Variants in RALGAPB observed in about 807,000 individuals in gnomAD.
The protein encoded by RALGAPB is Ral GTPase activating protein non-catalytic subunit beta.
Under a neutral mutation model 161.1 loss-of-function variants are expected in RALGAPB, and 25 were observed. That is an observed-to-expected ratio of 0.16 (90% CI 0.11 to 0.22). RALGAPB has a LOEUF of 0.22. RALGAPB is among the 10% of genes least tolerant of loss of function. The pLI is 1.00. For missense variants in RALGAPB, 1,391 were observed against 1,815.2 expected (o/e 0.77, Z 4.25); for synonymous variants, 629 against 626.1 (o/e 1.00, Z -0.07).
intron 20 of RALGAPB, among the ~76,000 whole-genome samples, chr20:38,549,543 A>ATATATAT (rs1555882874): frequency 2.5e-5 from 3 of 120,706 alleles, no homozygotes; most frequent in African/African-American, 9.3e-5. Context: ...TAAAAAAAAA[A>ATATATAT]AAAAAAATAT....
intron 6 of RALGAPB, among the ~76,000 whole-genome samples, chr20:38,511,858 C>T (rs1037823851): frequency 3.3e-5 from 5 of 152,156 alleles, no homozygotes; most frequent in Admixed American, 2.0e-4. Context: ...ACCTCCTAGA[C>T]GGGGTGGCGG....
rs757408242 is a variant in RALGAPB, at chr20:38,570,015, G to A, written c.4063+19G>A. Reference sequence around the variant, plus strand: ...GATATAGGTACTGTATGAGGACTTTGTCCATAAATAAAATGGCAATATATG... The same window carrying A: ...GATATAGGTACTGTATGAGGACTTTATCCATAAATAAAATGGCAATATATG... On this transcript the variant is annotated intron_variant, in intron 27 of 29. Transcript: ENST00000262879. 3 of 1,582,170 alleles carry A rather than the reference G, an allele frequency of 1.9e-6. No homozygotes were observed. Among genetic ancestry groups the A allele is most frequent in the Non-Finnish European group, 1.7e-6 (2 of 1,151,722 alleles).
chr20:38,552,140 ATT>A (rs11482026), intron 21 of RALGAPB, among the ~76,000 whole-genome samples: 20 of 144,888 alleles, frequency 1.4e-4, no homozygotes, highest in African/African-American at 5.1e-4. Context: ...GAAAAGGCTG[ATT>A]TTTTTTTTTT....
chr20:38,542,814 G>T (rs528689989), intron 18 of RALGAPB, among the ~76,000 whole-genome samples: 12 of 152,096 alleles, frequency 7.9e-5, no homozygotes, highest in Admixed American at 7.2e-4. Flanking sequence ...CACGGAGGTT[G>T]CAGTGAGCCG....
intron 5 of RALGAPB, 131 bp from the exon 6 acceptor site, chr20:38,508,946 G>A: frequency 1.0e-6 from 1 of 996,794 alleles, no homozygotes; most frequent in Admixed American, 2.6e-5. Flanking sequence ...TATAAATGAG[G>A]GTTTCCATAT....
At position 38,535,128 on chromosome 20, in the gene RALGAPB, C is replaced by G. The variant is rs753010646; in HGVS notation, c.2300C>G (p.Thr767Ser). The G allele has an allele frequency of 6.2e-7, 1 of 1,614,008 alleles. No homozygotes were observed. ...CTGATTCGCAGCATTCATCTCGTCA[C>G]CCAAAGACTCAACTCCCAGTGGCGC... ...GLLIRSIHLVTQRLNSQWRQD... is the reference protein window; with the variant it reads ...GLLIRSIHLVSQRLNSQWRQD... Residue 767 changes from threonine to serine, a missense_variant, in exon 16 of 30, where the codon ACC becomes AGC. Thr to Ser is a moderately conservative substitution (Grantham distance 58). This residue lies in a region of RALGAPB where 946 missense variants were observed against 1,257.2 expected (regional missense o/e 0.75). Coordinates refer to ENST00000262879, the MANE Select transcript of RALGAPB (RefSeq NM_020336.4).
At chr20:38,551,940 C>T (rs1432164056) in intron 21 of RALGAPB, among the ~76,000 whole-genome samples, 2 of 152,004 alleles carry the variant, frequency 1.3e-5, no homozygotes, top group African/African-American at 4.8e-5. Context: ...AGAAAAAGTC[C>T]CCTGAATTTT....
chr20:38,535,952 G>T (rs1480023082), intron 16 of RALGAPB, among the ~76,000 whole-genome samples: 1 of 152,154 alleles, frequency 6.6e-6, no homozygotes, highest in East Asian at 1.9e-4. Flanking sequence ...GAACTTGGTG[G>T]TCATTTGTGC....
At chr20:38,574,753 T>G (rs767796808) in intron 29 of RALGAPB, 21 bp from the exon 30 acceptor site, 20 of 1,602,894 alleles carry the variant, frequency 1.2e-5, no homozygotes, top group Non-Finnish European at 1.7e-5. Context: ...AACGTTTATT[T>G]TAAAACTCTC....
At chr20:38,574,706 A>T in intron 29 of RALGAPB, 68 bp from the exon 30 acceptor site, 1 of 1,431,622 alleles carries the variant, frequency 7.0e-7, no homozygotes. Context: ...AGTTCACCTG[A>T]ATACTTACAG....
At chr20:38,506,314 C>T (rs1175426569) in intron 5 of RALGAPB, among the ~76,000 whole-genome samples, 1 of 150,230 alleles carries the variant, frequency 6.7e-6, no homozygotes, top group African/African-American at 2.5e-5. Context: ...TTTTTTTTGA[C>T]AGGGTTTCTT....
intron 1 of RALGAPB, among the ~76,000 whole-genome samples, chr20:38,478,544 C>T (rs1208454866): frequency 6.6e-6 from 1 of 152,152 alleles, no homozygotes; most frequent in Non-Finnish European, 1.5e-5. Context: ...CCTCTGCCTC[C>T]TGAGTAGCTG....
In RALGAPB at chr20:38,565,749, A is replaced by G. The variant is rs191706253; in HGVS notation, c.3817+271A>G. On this transcript the variant is annotated intron_variant, in intron 25 of 29. Coordinates refer to ENST00000262879, the MANE Select transcript of RALGAPB (RefSeq NM_020336.4). ...TTGCTTTCTTTAATCTAATTAATCAATACATAGGCTTATTTTCCAGTTCAT... is the reference window on the plus strand; with the variant it reads ...TTGCTTTCTTTAATCTAATTAATCAGTACATAGGCTTATTTTCCAGTTCAT... Among the ~76,000 whole-genome samples, 7 of 152,338 alleles carry G rather than the reference A, an allele frequency of 4.6e-5. No homozygotes were observed. In the East Asian group the frequency reaches 1.3e-3, roughly 29 times the overall value.
chr20:38,565,098 T>C (rs2087945690), intron 24 of RALGAPB, among the ~76,000 whole-genome samples: 1 of 152,156 alleles, frequency 6.6e-6, no homozygotes, highest in South Asian at 2.1e-4. Flanking sequence ...ATCTGCTTCA[T>C]ACACTTGAAT....
rs575155852 is a variant in RALGAPB, at chr20:38,564,961, G to C, written c.3698-398G>C. On this transcript the variant is annotated intron_variant, in intron 24 of 29. Coordinates refer to ENST00000262879, the MANE Select transcript of RALGAPB (RefSeq NM_020336.4). The stretch of plus-strand genomic sequence containing the variant: ...TCTTCCCCCCTCTCTCTCTCTCTCT[G>C]TCTCTCTCTCTCTCTCTCTGCCTGC... Among the ~76,000 whole-genome samples, 49 of 131,076 alleles carry C rather than the reference G, an allele frequency of 3.7e-4. 1 individual carries two copies. The highest frequency in any genetic ancestry group is 1.1e-3 in the Admixed American group (13 of 12,168). 86.0% of individuals were successfully genotyped at this position (131,076 alleles called of 152,430 possible).
chr20:38,483,424 C>T (rs571790600), intron 1 of RALGAPB, among the ~76,000 whole-genome samples: 1 of 152,134 alleles, frequency 6.6e-6, no homozygotes, highest in South Asian at 2.1e-4. Flanking sequence ...TGAAATTTTC[C>T]CATTATTGAT....
intron 23 of RALGAPB, among the ~76,000 whole-genome samples, chr20:38,558,886 G>T (rs1349833138): frequency 6.6e-6 from 1 of 152,142 alleles, no homozygotes; most frequent in Non-Finnish European, 1.5e-5. Context: ...TATCAAAAAA[G>T]TGCCTTTCTA....
chr20:38,561,470 T>C (rs1258640043), intron 23 of RALGAPB, among the ~76,000 whole-genome samples: 1 of 152,246 alleles, frequency 6.6e-6, no homozygotes, highest in African/African-American at 2.4e-5. Context: ...TAGCATTGTA[T>C]GAATGACATC....
chr20:38,483,380 C>G (rs879269363), intron 1 of RALGAPB, among the ~76,000 whole-genome samples: 24 of 152,234 alleles, frequency 1.6e-4, no homozygotes, highest in Middle Eastern at 6.8e-3. Context: ...TTAATGGCTA[C>G]ATAATAGTAT....
Sources: gnomAD v4.1 joint callset for allele counts (sites outside exome capture counted in the v4.1 genomes callset) on GRCh38, gnomAD v4.1.1 for gene constraint, gnomAD v4.1.1 regional missense constraint, MANE v1.5 for transcripts, NCBI Gene and HGNC (gene_info 2026-07-23, HGNC 2026-07-21) for gene names.